The following ITGA9 variants were observed in gnomAD, a reference collection of about 807,000 sequenced individuals.
The protein encoded by ITGA9 is integrin subunit alpha 9.
A neutral mutation model predicts 127.8 loss-of-function variants in ITGA9; 56 were observed. The ratio of observed to expected loss-of-function variants is 0.44; its 90% confidence interval spans 0.35 to 0.55. The LOEUF (loss-of-function observed/expected upper bound fraction) is 0.55, where lower values mean the gene tolerates loss of function less well. Ranked by LOEUF, ITGA9 falls within the 20% of genes least tolerant of loss-of-function variation. ITGA9 has a pLI of 0.00. For synonymous variants in ITGA9, 508 were observed against 514.5 expected, an observed-to-expected ratio of 0.99 and a Z score of 0.17; for missense variants, 1,196 against 1,347.1, an observed-to-expected ratio of 0.89 and a Z score of 1.76.
chr3:37,695,938 A>G (rs903966741), intron 18 of ITGA9, among the ~76,000 whole-genome samples: 1 of 152,176 alleles, frequency 6.6e-6, no homozygotes, highest in South Asian at 2.1e-4. Flanking sequence ...CTGTCTTCAT[A>G]GGGGTTTTCA....
intron 26 of ITGA9, among the ~76,000 whole-genome samples, chr3:37,802,979 G>A (rs548021442): frequency 4.6e-5 from 7 of 152,240 alleles, no homozygotes; most frequent in Admixed American, 3.9e-4. Flanking sequence ...ACAGCCTCTC[G>A]AACGAGTTTC....
rs772336954 is a variant in ITGA9, at chr3:37,513,892, A to G, written c.1027A>G (p.Arg343Gly). The G allele has an allele frequency of 1.2e-6, 2 of 1,613,230 alleles. No individual in the cohort carries two copies. Among genetic ancestry groups the G allele is most frequent in the African/African-American group, 1.3e-5 (1 of 74,890 alleles). Residue 343 changes from arginine (R) to glycine (G), a missense_variant, in exon 9 of 28, where the codon AGA (arginine) becomes GGA (glycine). By Grantham distance (125) the Arg-to-Gly change is moderately radical. Coordinates refer to ENST00000264741, the MANE Select transcript of ITGA9 (RefSeq NM_002207.3). ...DEGQVTVYIN[R>G]GNGALEEQLA... is the part of the protein sequence containing the mutation. ...GGGACAGGTCACTGTCTACATCAAC[A>G]GAGGAAATGTGAGTACAATACTGGG...
chr3:37,642,078 C>T (rs1233410006), intron 16 of ITGA9, among the ~76,000 whole-genome samples: 1 of 152,110 alleles, frequency 6.6e-6, no homozygotes, highest in Non-Finnish European at 1.5e-5. Context: ...GCTGGGACCA[C>T]TGGTGTGTGC....
At chr3:37,698,430 A>G (rs1191140281) in intron 18 of ITGA9, among the ~76,000 whole-genome samples, 16 of 152,136 alleles carry the variant, frequency 1.1e-4, no homozygotes, top group Non-Finnish European at 1.8e-4. Context: ...GTCCTGAATG[A>G]TATTGCCTAG....
intron 11 of ITGA9, among the ~76,000 whole-genome samples, chr3:37,521,809 A>C (rs1024697932): frequency 6.6e-6 from 1 of 152,232 alleles, no homozygotes; most frequent in African/African-American, 2.4e-5. Flanking sequence ...ATGTGCAGAC[A>C]CACGTACATG....
At chr3:37,693,117 A>G (rs142504874) in intron 18 of ITGA9, among the ~76,000 whole-genome samples, 353 of 152,298 alleles carry the variant, frequency 2.3e-3, no homozygotes, top group African/African-American at 7.0e-3. Context: ...AGAGCACTGT[A>G]AGCTCGTGAG....
At chr3:37,736,866 TGCC>T (rs1487594882) in intron 19 of ITGA9, 35 bp from the exon 20 acceptor site, 3 of 1,340,248 alleles carry the variant, frequency 2.2e-6, no homozygotes, top group Non-Finnish European at 3.2e-6. Context: ...AAGTTTGGAA[TGCC>T]TGCTGATGCC....
intron 23 of ITGA9, 96 bp from the exon 24 acceptor site, chr3:37,777,296 T>C (rs1200374066): frequency 7.3e-7 from 1 of 1,366,180 alleles, no homozygotes; most frequent in African/African-American, 1.4e-5. Context: ...AAAGGTGAAT[T>C]GGGGTTCTAC....
intron 26 of ITGA9, among the ~76,000 whole-genome samples, chr3:37,792,523 G>T (rs1243337458): frequency 6.6e-6 from 1 of 152,164 alleles, no homozygotes; most frequent in Admixed American, 6.5e-5. Context: ...GAGCTGTATG[G>T]AGCCCCAAAA....
chr3:37,640,165 G>A (rs1256520669), intron 16 of ITGA9, among the ~76,000 whole-genome samples: 1 of 152,174 alleles, frequency 6.6e-6, no homozygotes, highest in Admixed American at 6.5e-5. Context: ...TGGCAAAAGG[G>A]ACTTTGCAGT....
intron 18 of ITGA9, among the ~76,000 whole-genome samples, chr3:37,732,053 G>A (rs903474169): frequency 6.6e-6 from 1 of 152,198 alleles, no homozygotes; most frequent in African/African-American, 2.4e-5. Flanking sequence ...TTTGTGAAGA[G>A]CCTCTTGGCT....
intron 15 of ITGA9, among the ~76,000 whole-genome samples, chr3:37,609,670 A>AGGAATTCGGGACAGGGCAC (rs1266945026): frequency 6.6e-6 from 1 of 152,218 alleles, no homozygotes; most frequent in Non-Finnish European, 1.5e-5. Context: ...ATTGTGGGCA[A>AGGAATTCGGGACAGGGCAC]GGAATTCGGG....
At chr3:37,587,467 G>T (rs144712086) in intron 15 of ITGA9, among the ~76,000 whole-genome samples, 7 of 152,146 alleles carry the variant, frequency 4.6e-5, no homozygotes, top group Admixed American at 6.5e-5. Flanking sequence ...TTATCAGATG[G>T]GAAGATTTCT....
intron 16 of ITGA9, among the ~76,000 whole-genome samples, chr3:37,636,683 T>C (rs1056656797): frequency 1.3e-5 from 2 of 152,254 alleles, no homozygotes; most frequent in African/African-American, 4.8e-5. Flanking sequence ...TTGCTTTTGG[T>C]GATTTAGACA....
At position 37,461,327 on chromosome 3, in the gene ITGA9, G is replaced by T. The variant is rs534931997; in HGVS notation, c.185+8768G>T. On this transcript the variant is annotated intron_variant, in intron 1 of 27. Transcript: ENST00000264741. ...CTGCCTTACTCAGCTCTCTGCTTAG[G>T]AGCTGTGTGATCTTGACCAATTACT... Among the ~76,000 whole-genome samples, 5 of 152,274 alleles carry T rather than the reference G, an allele frequency of 3.3e-5. No individual in the cohort carries two copies. The South Asian group carries it at 1.0e-3, about 32-fold the overall frequency.
intron 15 of ITGA9, among the ~76,000 whole-genome samples, chr3:37,624,945 A>G (rs1011497420): frequency 6.6e-6 from 1 of 151,808 alleles, no homozygotes. Flanking sequence ...GGATCATGCT[A>G]CCCCCTTCCC....
chr3:37,464,553 G>A (rs1161429072), intron 1 of ITGA9, among the ~76,000 whole-genome samples: 1 of 152,160 alleles, frequency 6.6e-6, no homozygotes, highest in Non-Finnish European at 1.5e-5. Context: ...TACAGAAGAG[G>A]AAAACTGAGG....
At chr3:37,796,921 C>A (rs1168684440) in intron 26 of ITGA9, among the ~76,000 whole-genome samples, 103 of 152,036 alleles carry the variant, frequency 6.8e-4, no homozygotes. Context: ...GTGAGAAGGA[C>A]CTAGAACTGG....
At chr3:37,777,575 GT>G in intron 24 of ITGA9, 58 bp downstream of exon 24, 1 of 1,576,588 alleles carries the variant, frequency 6.3e-7, no homozygotes, top group Non-Finnish European at 8.7e-7. Context: ...GAAGACACCA[GT>G]TTTCTATTTG....
Sources: gnomAD v4.1 joint callset for allele counts (sites outside exome capture counted in the v4.1 genomes callset) on GRCh38, gnomAD v4.1.1 for gene constraint, MANE v1.5 for transcripts, NCBI Gene and HGNC (gene_info 2026-07-23, HGNC 2026-07-21) for gene names.